OR2L13: variants seen among roughly 807,000 people sequenced by gnomAD.
OR2L13 encodes the protein olfactory receptor family 2 subfamily L member 13, also known as olfactory receptor 2L13.
In OR2L13, 14 loss-of-function variants were observed where a neutral mutation model predicts 15.3. That is an observed-to-expected ratio of 0.91 (90% CI 0.60 to 1.43). The LOEUF (loss-of-function observed/expected upper bound fraction) is 1.43, where lower values mean the gene tolerates loss of function less well. OR2L13 is among the 40% of genes most tolerant of loss of function. The pLI, the probability that OR2L13 is intolerant of heterozygous loss-of-function variation, is 0.00. For missense variants in OR2L13, 367 were observed against 387.9 expected, an observed-to-expected ratio of 0.95 and a Z score of 0.45; for synonymous variants, 152 against 142.9, an observed-to-expected ratio of 1.06 and a Z score of -0.45.
the OR2L13 span, among the ~76,000 whole-genome samples, chr1:248,085,074 C>G: frequency 6.6e-6 from 1 of 152,066 alleles, no homozygotes; most frequent in Non-Finnish European, 1.5e-5. Context: ...CCTAATCAAG[C>G]CTGTGCCAAG....
chr1:248,046,768 A>G, the OR2L13 span: 1 of 152,188 alleles, frequency 6.6e-6, no homozygotes. Flanking sequence ...GCAGGGATGA[A>G]AAACCAATAT....
chr1:247,981,036 T>A, the OR2L13 span: 1 of 152,132 alleles, frequency 6.6e-6, no homozygotes, highest in Admixed American at 6.5e-5. Context: ...AGAATTGAAG[T>A]CTGAGCAATA....
chr1:248,022,748 G>A, the OR2L13 span: 3 of 1,614,040 alleles, frequency 1.9e-6, no homozygotes, highest in South Asian at 1.1e-5. Flanking sequence ...TGCGATCTCT[G>A]ACAGAGGACA....
the OR2L13 span, chr1:248,004,096 A>G: frequency 3.4e-5 from 53 of 1,554,230 alleles, no homozygotes; most frequent in Non-Finnish European, 4.0e-5. Flanking sequence ...AGGTTTCAGG[A>G]CTCAGATACA....
upstream of OR2L13, among the ~76,000 whole-genome samples, chr1:248,093,495 T>C (rs1156526154): frequency 3.3e-5 from 5 of 152,172 alleles, no homozygotes; most frequent in African/African-American, 4.8e-5. Context: ...GGGAAAAACA[T>C]AGAAGTTACC....
the OR2L13 span, among the ~76,000 whole-genome samples, chr1:247,962,808 C>G: frequency 8.5e-5 from 13 of 152,174 alleles, no homozygotes; most frequent in African/African-American, 3.1e-4. Flanking sequence ...GAAAAATACT[C>G]CTAAATATGA....
At chr1:248,027,466 C>T in the OR2L13 span, among the ~76,000 whole-genome samples, 3 of 152,170 alleles carry the variant, frequency 2.0e-5, no homozygotes, top group Admixed American at 2.0e-4. Context: ...TACACTTCCT[C>T]CCCTTTTGAA....
the OR2L13 span, among the ~76,000 whole-genome samples, chr1:247,940,504 G>T: frequency 6.6e-6 from 1 of 152,242 alleles, no homozygotes; most frequent in Non-Finnish European, 1.5e-5. Context: ...GGGTGAAAGT[G>T]TTACTTTGCC....
chr1:248,016,516 C>T, the OR2L13 span, among the ~76,000 whole-genome samples: 13 of 152,120 alleles, frequency 8.5e-5, no homozygotes, highest in East Asian at 1.5e-3. Context: ...TTAAAATAAT[C>T]TTATTCGTGA....
the OR2L13 span, chr1:248,038,245 A>G: frequency 6.6e-7 from 1 of 1,516,026 alleles, no homozygotes; most frequent in Admixed American, 1.7e-5. Flanking sequence ...GTCTCCCTTC[A>G]GGATGGATTG....
chr1:248,029,726 A>G, the OR2L13 span, among the ~76,000 whole-genome samples: 27 of 152,322 alleles, frequency 1.8e-4, no homozygotes, highest in Middle Eastern at 3.4e-3. Flanking sequence ...TCAGAAAGAA[A>G]TTAATGTATG....
chr1:248,043,848 A>G, the OR2L13 span, among the ~76,000 whole-genome samples: 1 of 152,162 alleles, frequency 6.6e-6, no homozygotes, highest in African/African-American at 2.4e-5. Context: ...GCATGGGGAG[A>G]TGTGCTCTGC....
chr1:248,079,620 G>A, the OR2L13 span, among the ~76,000 whole-genome samples: 1 of 152,052 alleles, frequency 6.6e-6, no homozygotes, highest in Non-Finnish European at 1.5e-5. Flanking sequence ...TATAGACAAA[G>A]GGTAAAACAT....
the OR2L13 span, among the ~76,000 whole-genome samples, chr1:247,945,573 A>AGATCTAATAGT: frequency 3.3e-5 from 5 of 151,958 alleles, no homozygotes; most frequent in Non-Finnish European, 7.4e-5. Flanking sequence ...CTCTGGCTCA[A>AGATCTAATAGT]GATCTAATAG....
the OR2L13 span, among the ~76,000 whole-genome samples, chr1:248,044,385 G>A: frequency 6.6e-6 from 1 of 152,180 alleles, no homozygotes; most frequent in Non-Finnish European, 1.5e-5. Flanking sequence ...AAGTTAACTT[G>A]TCTAAGAAAC....
At chr1:248,066,466 A>G in the OR2L13 span, among the ~76,000 whole-genome samples, 2 of 152,158 alleles carry the variant, frequency 1.3e-5, no homozygotes, top group Non-Finnish European at 2.9e-5. Flanking sequence ...AAAATAGGCA[A>G]TTATTTTACA....
chr1:248,041,034 C>T, the OR2L13 span: 2 of 152,180 alleles, frequency 1.3e-5, no homozygotes, highest in Admixed American at 1.3e-4. Flanking sequence ...GTAGAATTTT[C>T]TCATCATTAG....
chr1:248,015,244 C>T, the OR2L13 span, among the ~76,000 whole-genome samples: 4,804 of 152,232 alleles, frequency 0.032, 229 homozygotes, highest in African/African-American at 0.11. Context: ...GTCAGTTAAA[C>T]ACAACATTAT....
chr1:248,043,551 A>G, the OR2L13 span, among the ~76,000 whole-genome samples: 2 of 152,166 alleles, frequency 1.3e-5, no homozygotes, highest in Non-Finnish European at 2.9e-5. Flanking sequence ...CTATTTGGAC[A>G]GACATTGAAT....
Sources: gnomAD v4.1 joint callset for allele counts (sites outside exome capture counted in the v4.1 genomes callset) on GRCh38, gnomAD v4.1.1 for gene constraint, MANE v1.5 for transcripts, NCBI Gene and HGNC (gene_info 2026-07-23, HGNC 2026-07-21) for gene names.